The following CSMD3 variants were observed in gnomAD, a reference collection of about 807,000 sequenced individuals.
CSMD3 encodes the protein CUB and sushi domain-containing protein 3.
In CSMD3, 177 loss-of-function variants were observed where a neutral mutation model predicts 435.2. The ratio of observed to expected loss-of-function variants is 0.41; its 90% confidence interval spans 0.36 to 0.46. CSMD3 has a LOEUF of 0.46. Ranked by LOEUF, CSMD3 falls within the 20% of genes least tolerant of loss-of-function variation. The probability of loss-of-function intolerance (pLI) is 0.34; values close to 1 mark genes in which losing one functional copy is unlikely to be tolerated. For synonymous variants in CSMD3, 1,656 were observed against 1,520.5 expected, an observed-to-expected ratio of 1.09 and a Z score of -2.07; for missense variants, 4,265 against 4,504.6, an observed-to-expected ratio of 0.95 and a Z score of 1.52.
Position 112,423,269 on chromosome 8 carries a change from G to A in CSMD3, c.5396-14237C>T, listed in dbSNP as rs139485708. ...TACAACCAAAGTAACACATCTCACC[G>A]TGGCTATTTCAATCTTTGCTATCAC... On this transcript the variant is annotated intron_variant, in intron 32 of 70. Transcript: ENST00000297405. 3.9e-3 allele frequency among the ~76,000 whole-genome samples: 600 copies of A among 152,146 alleles called. 4 individuals are homozygous for A. The highest frequency in any genetic ancestry group is 0.014 in the African/African-American group (575 of 41,502).
intron 28 of CSMD3, among the ~76,000 whole-genome samples, chr8:112,512,732 C>G (rs147354574): frequency 6.6e-6 from 1 of 152,272 alleles, no homozygotes; most frequent in African/African-American, 2.4e-5. Flanking sequence ...TGAAGCCAGA[C>G]ATTGATTTCT....
At chr8:113,222,474 T>A (rs964162542) in intron 3 of CSMD3, among the ~76,000 whole-genome samples, 1 of 151,010 alleles carries the variant, frequency 6.6e-6, no homozygotes, top group African/African-American at 2.4e-5. Context: ...AAAACATTAT[T>A]TTCATAAATA....
At chr8:112,267,694 G>A (rs180907201) in intron 59 of CSMD3, among the ~76,000 whole-genome samples, 6 of 152,144 alleles carry the variant, frequency 3.9e-5, no homozygotes, top group East Asian at 1.9e-4. Context: ...GCTGAGATGC[G>A]GCCACCAAAA....
intron 2 of CSMD3, among the ~76,000 whole-genome samples, chr8:113,295,291 G>C (rs892390932): frequency 6.6e-6 from 1 of 152,078 alleles, no homozygotes; most frequent in African/African-American, 2.4e-5. Flanking sequence ...TGTTTGTTTA[G>C]TGGAAGAACT....
chr8:112,413,303 A>G (rs754372980), intron 32 of CSMD3, among the ~76,000 whole-genome samples: 8 of 152,164 alleles, frequency 5.3e-5, no homozygotes, highest in Non-Finnish European at 1.2e-4. Context: ...TATCCATCCA[A>G]ATAAGATTGA....
chr8:113,258,285 G>A (rs1172200604), intron 3 of CSMD3, among the ~76,000 whole-genome samples: 1 of 152,186 alleles, frequency 6.6e-6, no homozygotes, highest in Non-Finnish European at 1.5e-5. Context: ...AGTAGAACGA[G>A]AGTATTTTCA....
At chr8:112,789,511 A>G (rs188629305) in intron 13 of CSMD3, among the ~76,000 whole-genome samples, 46 of 152,184 alleles carry the variant, frequency 3.0e-4, no homozygotes, top group Admixed American at 2.1e-3. Flanking sequence ...TTGTATGAAC[A>G]CTGAAATGTA....
chr8:112,480,771 C>A (rs985234918), intron 31 of CSMD3, among the ~76,000 whole-genome samples: 1 of 152,122 alleles, frequency 6.6e-6, no homozygotes, highest in Admixed American at 6.6e-5. Context: ...GCCAATTAAA[C>A]CTCTTTTCTT....
intron 13 of CSMD3, among the ~76,000 whole-genome samples, chr8:112,745,212 G>A (rs935091521): frequency 4.6e-5 from 7 of 152,006 alleles, no homozygotes; most frequent in Non-Finnish European, 5.9e-5. Flanking sequence ...CAAGAGTCCA[G>A]GTAGTTATAG....
chr8:113,221,352 G>A (rs2092963756), intron 3 of CSMD3, among the ~76,000 whole-genome samples: 1 of 114,670 alleles, frequency 8.7e-6, no homozygotes. Flanking sequence ...CACAGACACA[G>A]TTACACACAC....
At chr8:112,729,049 A>G (rs750479162) in intron 13 of CSMD3, among the ~76,000 whole-genome samples, 4 of 152,024 alleles carry the variant, frequency 2.6e-5, no homozygotes, top group Non-Finnish European at 5.9e-5. Context: ...TAAGCTGAAT[A>G]TTTCTGTGGA....
At chr8:112,359,909 A>G (rs1009051043) in intron 38 of CSMD3, among the ~76,000 whole-genome samples, 14 of 152,028 alleles carry the variant, frequency 9.2e-5, no homozygotes, top group Admixed American at 8.5e-4. Flanking sequence ...TAAATGTTTA[A>G]GGGTTTACAA....
At chr8:112,505,072 T>C (rs191273215) in intron 29 of CSMD3, among the ~76,000 whole-genome samples, 92 of 152,250 alleles carry the variant, frequency 6.0e-4, no homozygotes, top group Admixed American at 1.1e-3. Flanking sequence ...ATCCTTTACA[T>C]ATGCATGTAC....
intron 35 of CSMD3, among the ~76,000 whole-genome samples, chr8:112,400,569 G>T (rs925701376): frequency 6.6e-6 from 1 of 152,080 alleles, no homozygotes; most frequent in Admixed American, 6.6e-5. Flanking sequence ...GGGTTCCTGG[G>T]TACCCACATC....
intron 3 of CSMD3, among the ~76,000 whole-genome samples, chr8:113,216,008 G>A (rs760766419): frequency 2.0e-5 from 3 of 151,716 alleles, no homozygotes; most frequent in Non-Finnish European, 4.4e-5. Context: ...TGGTTGAGGG[G>A]AGAAAATTGC....
At chr8:112,505,708 G>A (rs574282428) in intron 29 of CSMD3, among the ~76,000 whole-genome samples, 13 of 152,026 alleles carry the variant, frequency 8.6e-5, no homozygotes, top group Non-Finnish European at 1.5e-4. Context: ...TGAAAAAACA[G>A]TGCATGCTAA....
intron 3 of CSMD3, among the ~76,000 whole-genome samples, chr8:113,200,265 C>T (rs564488600): frequency 1.3e-5 from 2 of 151,798 alleles, no homozygotes; most frequent in African/African-American, 4.8e-5. Flanking sequence ...TGCACATTTG[C>T]GCCCTTCTTT....
At chr8:113,259,449 A>G (rs1175766373) in intron 3 of CSMD3, among the ~76,000 whole-genome samples, 2 of 152,106 alleles carry the variant, frequency 1.3e-5, no homozygotes, top group African/African-American at 4.8e-5. Context: ...AACAATAAGA[A>G]TTTATTTTGA....
intron 3 of CSMD3, among the ~76,000 whole-genome samples, chr8:113,194,710 A>T (rs1425758264): frequency 6.6e-6 from 1 of 151,154 alleles, no homozygotes; most frequent in Non-Finnish European, 1.5e-5. Context: ...AATTGACCTA[A>T]AAAGTAAAGT....
Sources: allele counts gnomAD v4.1 joint callset (sites outside exome capture counted in the v4.1 genomes callset), GRCh38; gene constraint gnomAD v4.1.1; transcripts MANE v1.5; gene names NCBI Gene and HGNC (gene_info 2026-07-23, HGNC 2026-07-21).